HMGB1: variants seen among roughly 807,000 people sequenced by gnomAD.
HMGB1 encodes the protein high mobility group protein B1.
For missense variants in HMGB1, 79 were observed against 253.5 expected, an observed-to-expected ratio of 0.31 and a Z score of 4.67; for synonymous variants, 81 against 84.0, an observed-to-expected ratio of 0.96 and a Z score of 0.19.
chr13:30,481,123 A>G (rs978969439), intron 1 of HMGB1, among the ~76,000 whole-genome samples: 1 of 152,070 alleles, frequency 6.6e-6, no homozygotes, highest in Admixed American at 6.6e-5. Flanking sequence ...TAAGTATTAT[A>G]TGATAACAAG....
chr13:30,616,896 T>G (rs896009702), exon 1 of HMGB1: 2 of 152,230 alleles, frequency 1.3e-5, no homozygotes, highest in Admixed American at 1.3e-4. Flanking sequence ...TTGTGGTTTT[T>G]CTGTAAAGAA....
At position 30,462,567 on chromosome 13, in the gene HMGB1, C is replaced by A; in HGVS notation, c.442G>T (p.Ala148Ser). ...ADDKQPYEKK[A>S]AKLKEKYEKD... ...TCATATTTTTCCTTCAGCTTCGCAG[C>A]CTTCTTTTCATAAGGCTGCTTGTCA... Residue 148 changes from alanine to serine, a missense_variant, in exon 4 of 5, where the codon GCT (alanine) becomes TCT (serine). Physicochemically the swap from Ala to Ser is moderately conservative, Grantham distance 99. Coordinates refer to ENST00000341423, the MANE Select transcript of HMGB1 (RefSeq NM_002128.7). 1 of 1,613,222 alleles carries A rather than the reference C, an allele frequency of 6.2e-7. No homozygotes were observed.
At chr13:30,478,940 C>T (rs1304995474) in intron 1 of HMGB1, among the ~76,000 whole-genome samples, 1 of 150,826 alleles carries the variant, frequency 6.6e-6, no homozygotes, top group East Asian at 1.9e-4. Context: ...GCGATCTCAG[C>T]TCACTGCAAC....
intron 1 of HMGB1, among the ~76,000 whole-genome samples, chr13:30,538,995 C>T (rs1210031187): frequency 6.6e-6 from 1 of 152,104 alleles, no homozygotes; most frequent in East Asian, 1.9e-4. Flanking sequence ...CTCCCGGGTT[C>T]AAGAGATTCT....
intron 1 of HMGB1, among the ~76,000 whole-genome samples, chr13:30,597,384 C>T (rs752691841): frequency 4.1e-4 from 63 of 152,196 alleles, no homozygotes; most frequent in Non-Finnish European, 6.3e-4. Context: ...TTCTCACAGT[C>T]CTCAGAAGAA....
chr13:30,589,465 TG>T, intron 1 of HMGB1, among the ~76,000 whole-genome samples: 1 of 152,188 alleles, frequency 6.6e-6, no homozygotes, highest in Non-Finnish European at 1.5e-5. Context: ...GTAGATGGGT[TG>T]AAGAAATATT....
At chr13:30,539,712 C>T (rs760337587) in intron 1 of HMGB1, 1 of 194,242 alleles carries the variant, frequency 5.1e-6, no homozygotes, top group Non-Finnish European at 1.1e-5. Context: ...CCTGATAGTA[C>T]GGGGAGTGGT....
chr13:30,542,942 C>T (rs1360525859), intron 1 of HMGB1: 1 of 153,076 alleles, frequency 6.5e-6, no homozygotes, highest in Non-Finnish European at 1.5e-5. Flanking sequence ...AAACTGAACA[C>T]CTACAATGTC....
rs1886024560 is a variant in HMGB1 at position 30,457,138 on chromosome 13, G to GC, written c.*4218_*4219insG. 1 of 152,056 alleles carries GC rather than the reference G, an allele frequency of 6.6e-6. No homozygotes were observed. 9.4% of individuals were successfully genotyped at this position (152,056 alleles called of 1,614,324 possible). ...CCCTTTTCCACTTATTTTTAAAATGGTATTTAGTATATCTGCAAAATTATT... is the reference window on the plus strand; with the variant it reads ...CCCTTTTCCACTTATTTTTAAAATGGCTATTTAGTATATCTGCAAAATTATT... On this transcript the variant is annotated 3_prime_UTR_variant, in exon 5 of 5. Transcript: ENST00000341423.
intron 1 of HMGB1, among the ~76,000 whole-genome samples, chr13:30,573,650 CTTTTTTT>C (rs774433276): frequency 1.2e-3 from 164 of 132,442 alleles, no homozygotes; most frequent in African/African-American, 4.3e-3. Context: ...CTAGCATTTT[CTTTTTTT>C]TTTTTTTTTT....
rs1042366453 is a variant in HMGB1 at position 30,460,344 on chromosome 13, A to G, written c.*1013T>C. The G allele has an allele frequency of 2.6e-5, 4 of 151,304 alleles. No individual in the cohort carries two copies. Among genetic ancestry groups the G allele is most frequent in the African/African-American group, 7.3e-5 (3 of 41,194 alleles). 9.4% of individuals were successfully genotyped at this position (151,304 alleles called of 1,614,324 possible). A position where few individuals can be genotyped will look rare whatever the true frequency, so the allele number is the denominator to read the frequency against. On this transcript the variant is annotated 3_prime_UTR_variant, in exon 5 of 5. Transcript: ENST00000341423. ...TCCTGAGCAGTCCATATTTAGATAA[A>G]TGGGAAAAGACATCTATAGCCAGCA...
At chr13:30,501,098 G>A (rs1887724825) in intron 1 of HMGB1, among the ~76,000 whole-genome samples, 1 of 152,198 alleles carries the variant, frequency 6.6e-6, no homozygotes, top group African/African-American at 2.4e-5. Context: ...TGAGATTACA[G>A]ATGTGACCCA....
intron 1 of HMGB1, among the ~76,000 whole-genome samples, chr13:30,491,059 G>A (rs1266033804): frequency 6.6e-6 from 1 of 150,466 alleles, no homozygotes; most frequent in Non-Finnish European, 1.5e-5. Flanking sequence ...ACGGAGTTTC[G>A]CTCTTGTTGC....
chr13:30,554,886 A>C (rs1475879658), intron 1 of HMGB1, among the ~76,000 whole-genome samples: 1 of 152,142 alleles, frequency 6.6e-6, no homozygotes, highest in Non-Finnish European at 1.5e-5. Flanking sequence ...CAAGACCTGA[A>C]GCCCACTCCA....
chr13:30,587,636 A>G (rs139127519), intron 1 of HMGB1, among the ~76,000 whole-genome samples: 2 of 152,166 alleles, frequency 1.3e-5, no homozygotes, highest in African/African-American at 2.4e-5. Flanking sequence ...TATGTCTTTT[A>G]TATCTCCTAA....
At position 30,490,445 on chromosome 13, in the gene HMGB1, C is replaced by A. The variant is rs1887461350; in HGVS notation, c.-14-26751G>T. ...GACCAGCCTGGCCAACACGGCAAAA[C>A]CCTGTCTCTAATAGAAATGCAAAAG... On this transcript the variant is annotated intron_variant, in intron 1 of 4. Coordinates refer to the HMGB1 transcript ENST00000405805. Among the ~76,000 whole-genome samples the A allele has an allele frequency of 2.0e-5, 3 of 152,086 alleles. No individual in the cohort carries two copies. In the South Asian group the frequency reaches 6.2e-4, roughly 32 times the overall value.
chr13:30,601,464 G>GGTAACTACCTACTTTTTATA (rs1336496889), intron 1 of HMGB1, among the ~76,000 whole-genome samples: 3 of 40,006 alleles, frequency 7.5e-5, no homozygotes, highest in African/African-American at 8.0e-4. Context: ...TGAGGGTTGT[G>GGTAACTACCTACTTTTTATA]GCCGGGCGCG....
intron 1 of HMGB1, among the ~76,000 whole-genome samples, chr13:30,584,344 TC>T (rs1284968645): frequency 3.3e-5 from 5 of 152,214 alleles, no homozygotes; most frequent in Non-Finnish European, 5.9e-5. Flanking sequence ...CATTATATAA[TC>T]TTAGCTCAAA....
At chr13:30,605,470 G>A (rs1950448530) in intron 1 of HMGB1, among the ~76,000 whole-genome samples, 1 of 152,222 alleles carries the variant, frequency 6.6e-6, no homozygotes, top group South Asian at 2.1e-4. Flanking sequence ...GAGTCTGAGA[G>A]AATCATTATA....
Sources: allele counts gnomAD v4.1 joint callset (sites outside exome capture counted in the v4.1 genomes callset), GRCh38; gene constraint gnomAD v4.1.1; transcripts MANE v1.5; gene names NCBI Gene and HGNC (gene_info 2026-07-23, HGNC 2026-07-21).